GARNL3: variants seen among roughly 807,000 people sequenced by gnomAD.
GARNL3 encodes GTPase-activating Rap/Ran-GAP domain-like protein 3.
A neutral mutation model predicts 125.0 loss-of-function variants in GARNL3; 63 were observed. The ratio of observed to expected loss-of-function variants is 0.50; its 90% CI spans 0.41 to 0.62. GARNL3 has a LOEUF of 0.62. GARNL3 is among the 20% of genes least tolerant of loss of function. The pLI, the probability that GARNL3 is intolerant of heterozygous loss-of-function variation, is 0.00. For synonymous variants in GARNL3, 439 were observed against 457.5 expected (o/e 0.96, Z 0.52); for missense variants, 994 against 1,244.0 (o/e 0.80, Z 3.02).
At chr9:127,381,546 G>C (rs1487531257) in intron 22 of GARNL3, among the ~76,000 whole-genome samples, 1 of 152,026 alleles carries the variant, frequency 6.6e-6, no homozygotes, top group Non-Finnish European at 1.5e-5. Context: ...ACATTTAAAC[G>C]AATGAAATTA....
chr9:127,320,579 G>A lies in GARNL3; in HGVS notation c.504-136G>A, dbSNP rs1245800308. Reference sequence around the variant, plus strand: ...CATGTGGTGTTGGTTACTTTCATCTGTTTGTTCATTGATAACTCATTTGTT... The same window carrying A: ...CATGTGGTGTTGGTTACTTTCATCTATTTGTTCATTGATAACTCATTTGTT... On this transcript the variant is annotated intron_variant, in intron 5 of 27. Coordinates refer to ENST00000373387, the MANE Select transcript of GARNL3 (RefSeq NM_032293.5). 18 of 616,780 alleles carry A rather than the reference G, an allele frequency of 2.9e-5. 1 individual carries two copies. The Admixed American group carries it at 5.0e-4, about 17-fold the overall frequency. The allele number at this position is 616,780 out of a possible 1,614,324, so 38.2% of individuals were successfully genotyped here. A position where few individuals can be genotyped will look rare whatever the true frequency, so the allele number is the denominator to read the frequency against.
rs559923409 is a variant in GARNL3, at chr9:127,387,448, A to T, written c.2527+117A>T. On this transcript the variant is annotated intron_variant, in intron 25 of 27. Coordinates refer to ENST00000373387, the MANE Select transcript of GARNL3 (RefSeq NM_032293.5). The stretch of plus-strand genomic sequence containing the variant: ...AAAGAAGTTACTATTTAAAGCCATT[A>T]AAAAAAGAAACTAGCTGAGCGTGGT... 3.3e-5 allele frequency: 35 copies of T among 1,067,202 alleles called. 1 individual carries two copies. The South Asian group carries it at 5.5e-4, about 17-fold the overall frequency. 66.1% of individuals were successfully genotyped at this position (1,067,202 alleles called of 1,614,324 possible).
In GARNL3 at chr9:127,393,145, C is replaced by T. The variant is rs1489905759; in HGVS notation, c.2933C>T (p.Ala978Val). The T allele has an allele frequency of 6.2e-7, 1 of 1,612,752 alleles. No individual in the cohort carries two copies. Among genetic ancestry groups the T allele is most frequent in the Admixed American group, 1.7e-5 (1 of 60,014 alleles). Residue 978 changes from alanine to valine, a missense_variant, in exon 28 of 28, where the codon GCC becomes GTC. Physicochemically the swap from Ala to Val is moderately conservative, Grantham distance 64 (BLOSUM62 0). Transcript: ENST00000373387. ...TSEANPEGHSASSDQDPVADR... is the reference protein window; with the variant it reads ...TSEANPEGHSVSSDQDPVADR... ...GAAGCCAACCCTGAGGGGCACTCAGCCAGCTCTGACCAGGACCCTGTGGCA... is the reference window on the plus strand; with the variant it reads ...GAAGCCAACCCTGAGGGGCACTCAGTCAGCTCTGACCAGGACCCTGTGGCA...
Position 127,242,592 on chromosome 9 carries a change from T to G in GARNL3, c.-28-487T>G, listed in dbSNP as rs2063223503. ...CTGCTATTACTCTTGAACTGTGGGC[T>G]TTAGTCCTTGTCTCCAGTGTTGTTG... On this transcript the variant is annotated intron_variant, in intron 1 of 10. Coordinates refer to the GARNL3 transcript ENST00000439286. The surrounding 1 kb of genome is among the most constrained non-coding windows in gnomAD (Gnocchi z 4.6). 6.6e-6 allele frequency among the ~76,000 whole-genome samples: 1 copy of G among 152,246 alleles called. No individual in the cohort carries two copies.
chr9:127,291,042 A>C (rs1370910318), intron 1 of GARNL3, 126 bp from the exon 2 acceptor site: 1 of 895,360 alleles, frequency 1.1e-6, no homozygotes, highest in Non-Finnish European at 1.7e-6. Context: ...GCTTTAAAAA[A>C]ACTGTTAGCT....
intron 1 of GARNL3, among the ~76,000 whole-genome samples, chr9:127,230,449 C>T (rs532162632): frequency 5.9e-5 from 9 of 152,064 alleles, no homozygotes; most frequent in Non-Finnish European, 1.0e-4. Flanking sequence ...CACCTGAGGT[C>T]GGGAGTTCGA....
At position 127,360,466 on chromosome 9, in the gene GARNL3, T is replaced by C. The variant is rs571217195; in HGVS notation, c.2094+3089T>C. 2.6e-5 allele frequency among the ~76,000 whole-genome samples: 4 copies of C among 152,346 alleles called. No homozygotes were observed. In the East Asian group the frequency reaches 7.7e-4, roughly 29 times the overall value. On this transcript the variant is annotated intron_variant, in intron 21 of 27. Transcript: ENST00000373387. ...GCAGTGCACAGCTCCCAGCAGTGCT[T>C]AGTCAGATGCACTCACTCATCTTTC...
Position 127,320,717 on chromosome 9 carries a change from C to T in GARNL3, c.506C>T (p.Ala169Val). The change falls in exon 6 of 28, where the codon GCC (alanine) becomes GTC (valine). Residue 169 changes from alanine (A) to valine (V), a missense_variant and splice_region_variant. Physicochemically the swap from Ala to Val is moderately conservative, Grantham distance 64. Around this residue, in one of 5 missense-constraint regions of GARNL3, gnomAD observed 139 missense variants for 231.6 expected, o/e 0.60. Transcript: ENST00000373387. ...KTLSVKSILS[A>V]MNLDKFEKGP... ...TCATCCTGTCCATTCTATTTCAGTG[C>T]CATGAATCTGGACAAATTTGAGAAA... The T allele has an allele frequency of 6.2e-7, 1 of 1,609,806 alleles. No homozygotes were observed. The highest frequency in any genetic ancestry group is 1.7e-5 in the Admixed American group (1 of 59,966).
At chr9:127,258,919 G>A (rs913074903), upstream of GARNL3, among the ~76,000 whole-genome samples, 1 of 152,168 alleles carries the variant, frequency 6.6e-6, no homozygotes, top group African/African-American at 2.4e-5. Context: ...CTGACTGTTG[G>A]TAGGCTTCTG....
intron 17 of GARNL3, among the ~76,000 whole-genome samples, chr9:127,352,249 C>T (rs920644708): frequency 3.3e-5 from 5 of 152,174 alleles, no homozygotes; most frequent in African/African-American, 1.2e-4. Flanking sequence ...GTATTAACAC[C>T]AGGCCTCAGG....
chr9:127,319,889 G>A (rs1414878971), intron 5 of GARNL3, among the ~76,000 whole-genome samples: 1 of 152,168 alleles, frequency 6.6e-6, no homozygotes, highest in Non-Finnish European at 1.5e-5. Context: ...TACCCTCATA[G>A]CTGGAGCAAG....
chr9:127,355,714 C>T (rs1830653798), intron 20 of GARNL3, among the ~76,000 whole-genome samples: 1 of 152,222 alleles, frequency 6.6e-6, no homozygotes, highest in Non-Finnish European at 1.5e-5. Context: ...AAAACAAAGT[C>T]TTCTGATGGG....
chr9:127,314,322 C>A (rs2065175389), intron 4 of GARNL3, among the ~76,000 whole-genome samples: 1 of 152,200 alleles, frequency 6.6e-6, no homozygotes, highest in Non-Finnish European at 1.5e-5. Context: ...TCTCCAAGTT[C>A]AAACCAGGTG....
At chr9:127,353,082 T>C (rs1830497034) in intron 17 of GARNL3, among the ~76,000 whole-genome samples, 1 of 152,190 alleles carries the variant, frequency 6.6e-6, no homozygotes, top group African/African-American at 2.4e-5. Flanking sequence ...GCAAAGTAAT[T>C]GTTAGCAACT....
chr9:127,370,808 G>A (rs1037506405), intron 22 of GARNL3, among the ~76,000 whole-genome samples: 1 of 151,978 alleles, frequency 6.6e-6, no homozygotes, highest in Non-Finnish European at 1.5e-5. Context: ...CCCTGTCCTC[G>A]CCTTTCCATC....
At chr9:127,269,706 G>A (rs1412224159) in intron 1 of GARNL3, among the ~76,000 whole-genome samples, 1 of 150,924 alleles carries the variant, frequency 6.6e-6, no homozygotes, top group African/African-American at 2.4e-5. Flanking sequence ...TTGGCCATTT[G>A]TGTATCTTCT....
chr9:127,260,508 A>G (rs1441402600), upstream of GARNL3, among the ~76,000 whole-genome samples: 1 of 152,164 alleles, frequency 6.6e-6, no homozygotes, highest in African/African-American at 2.4e-5. Flanking sequence ...TAGGCCTAAA[A>G]CCAACAGTAG....
chr9:127,313,984 G>A lies in GARNL3; in HGVS notation c.438+425G>A, dbSNP rs557836543. Among the ~76,000 whole-genome samples the A allele has an allele frequency of 5.9e-5, 9 of 152,266 alleles. No individual in the cohort carries two copies. The South Asian group carries it at 1.0e-3, about 18-fold the overall frequency. Reference sequence around the variant, plus strand: ...AACTGTGGATCCACATGGGCCCTCTGTCTGACTTCCGTTGTGGAGTGACTG... The same window carrying A: ...AACTGTGGATCCACATGGGCCCTCTATCTGACTTCCGTTGTGGAGTGACTG... On this transcript the variant is annotated intron_variant, in intron 4 of 27. Coordinates refer to ENST00000373387, the MANE Select transcript of GARNL3 (RefSeq NM_032293.5).
At chr9:127,306,196 C>CA (rs149253227) in intron 2 of GARNL3, among the ~76,000 whole-genome samples, 21,257 of 152,202 alleles carry the variant, frequency 0.14, 1,877 homozygotes, top group East Asian at 0.21. Context: ...AAATTAAATA[C>CA]TAGGATTACG....
Sources: gnomAD v4.1 joint callset for allele counts (sites outside exome capture counted in the v4.1 genomes callset) on GRCh38, gnomAD v4.1.1 for gene constraint, gnomAD v4.1.1 regional missense constraint, Gnocchi (gnomAD v3.1) non-coding constraint, MANE v1.5 for transcripts, NCBI Gene and HGNC (gene_info 2026-07-23, HGNC 2026-07-21) for gene names.